Variants in ZC3H13 observed in about 807,000 individuals in gnomAD.
The protein encoded by ZC3H13 is zinc finger CCCH domain-containing protein 13.
ZC3H13 carries 64 observed loss-of-function variants against 204.1 expected under a neutral mutation model. That is an observed-to-expected ratio of 0.31 (90% confidence interval 0.26 to 0.39). The LOEUF (loss-of-function observed/expected upper bound fraction) is 0.39, where lower values mean the gene tolerates loss of function less well. Ranked by LOEUF, ZC3H13 falls within the 10% of genes least tolerant of loss-of-function variation. ZC3H13 has a pLI of 1.00. For missense variants in ZC3H13, 1,833 were observed against 2,082.7 expected, an observed-to-expected ratio of 0.88 and a Z score of 2.33; for synonymous variants, 667 against 693.7, an observed-to-expected ratio of 0.96 and a Z score of 0.60.
intron 15 of ZC3H13, among the ~76,000 whole-genome samples, chr13:45,966,590 A>G (rs1952106759): frequency 6.6e-6 from 1 of 152,166 alleles, no homozygotes; most frequent in South Asian, 2.1e-4. Flanking sequence ...GAGATGAGGG[A>G]TACTGACTCC....
Position 46,010,399 on chromosome 13 carries a change from T to C in ZC3H13, c.695A>G (p.Lys232Arg). The change falls in exon 7 of 19, where the codon AAG becomes AGG. Residue 232 changes from lysine to arginine, a missense_variant. Physicochemically the swap from Lys to Arg is conservative, Grantham distance 26. This residue lies in a region of ZC3H13 where 1,574 missense variants were observed against 1,757.2 expected (regional missense o/e 0.90). Transcript: ENST00000679008. Reference protein sequence around the residue: ...KSSPKSSSASKKDRKTSAVSS... With the variant: ...KSSPKSSSASRKDRKTSAVSS... The stretch of plus-strand genomic sequence containing the variant: ...TACTGCAGATGTCTTCCTATCTTTC[T>C]TGCTAGCTGAAGACGACTTCGGGCT... The C allele has an allele frequency of 1.2e-6, 2 of 1,613,876 alleles. No individual in the cohort carries two copies. The highest frequency in any genetic ancestry group is 1.7e-4 in the Middle Eastern group (1 of 6,060).
At chr13:45,981,280 C>T (rs1186848098) in intron 10 of ZC3H13, among the ~76,000 whole-genome samples, 2 of 152,094 alleles carry the variant, frequency 1.3e-5, no homozygotes, top group African/African-American at 2.4e-5. Flanking sequence ...TGATGATTTC[C>T]AATTTCATCC....
chr13:46,010,154 T>C (rs2041444290), intron 7 of ZC3H13, 194 bp downstream of exon 7: 1 of 439,510 alleles, frequency 2.3e-6, no homozygotes, highest in Non-Finnish European at 3.8e-6. Context: ...CATATGTGGA[T>C]GTTACACAGA....
chr13:46,039,812 A>C (rs1457342759), intron 4 of ZC3H13, among the ~76,000 whole-genome samples: 1 of 152,214 alleles, frequency 6.6e-6, no homozygotes, highest in African/African-American at 2.4e-5. Context: ...CACTGTATAC[A>C]ATGTCACTTA....
Position 45,973,441 on chromosome 13 carries a change from C to A in ZC3H13, c.2468+1842G>T, listed in dbSNP as rs146816296. 4.9e-3 allele frequency among the ~76,000 whole-genome samples: 745 copies of A among 152,118 alleles called. 9 individuals are homozygous for A. Among genetic ancestry groups the A allele is most frequent in the African/African-American group, 0.017 (720 of 41,512 alleles). On this transcript the variant is annotated intron_variant, in intron 12 of 18. Coordinates refer to ENST00000679008, the MANE Select transcript of ZC3H13 (RefSeq NM_001330564.2). The stretch of plus-strand genomic sequence containing the variant: ...CTTAGATTGTCTAACCATGAAAAAC[C>A]AGAAAAACTTTTGCTATTATAAGCA...
chr13:45,957,409 G>C, intron 18 of ZC3H13, 112 bp from the exon 19 acceptor site: 1 of 1,025,988 alleles, frequency 9.7e-7, no homozygotes, highest in Non-Finnish European at 1.3e-6. Flanking sequence ...ATTTCATTTT[G>C]GATATTAAAT....
intron 12 of ZC3H13, 44 bp downstream of exon 12, chr13:45,975,239 T>C: frequency 1.3e-6 from 2 of 1,565,434 alleles, no homozygotes; most frequent in Non-Finnish European, 1.7e-6. Flanking sequence ...TTGAATTCTT[T>C]CCTGAAATGT....
chr13:46,013,345 C>T (rs999795744), intron 5 of ZC3H13, among the ~76,000 whole-genome samples: 4 of 151,426 alleles, frequency 2.6e-5, no homozygotes, highest in African/African-American at 9.7e-5. Context: ...ACCCGGGAGA[C>T]GGAGGTTGCA....
intron 4 of ZC3H13, among the ~76,000 whole-genome samples, chr13:46,041,174 C>T (rs2043555372): frequency 6.6e-6 from 1 of 151,912 alleles, no homozygotes; most frequent in Non-Finnish European, 1.5e-5. Context: ...TAGAAAAAGC[C>T]CAAATATCCA....
intron 12 of ZC3H13, among the ~76,000 whole-genome samples, chr13:45,970,715 G>A (rs1405275672): frequency 6.6e-6 from 1 of 152,080 alleles, no homozygotes; most frequent in African/African-American, 2.4e-5. Flanking sequence ...AATAACTCAA[G>A]TGAAAATTGC....
intron 8 of ZC3H13, among the ~76,000 whole-genome samples, chr13:45,997,438 G>A (rs1186392961): frequency 6.6e-6 from 1 of 151,996 alleles, no homozygotes; most frequent in East Asian, 1.9e-4. Context: ...GAAGGGTATG[G>A]GCACTCTCCC....
chr13:46,024,106 T>A (rs113699420), intron 4 of ZC3H13, among the ~76,000 whole-genome samples: 1 of 152,112 alleles, frequency 6.6e-6, no homozygotes, highest in Admixed American at 6.6e-5. Context: ...ATTCCCCAAA[T>A]CACAATGCTG....
intron 7 of ZC3H13, among the ~76,000 whole-genome samples, chr13:46,005,498 C>CT (rs1555288335): frequency 1.3e-5 from 2 of 151,900 alleles, no homozygotes; most frequent in Non-Finnish European, 2.9e-5. Flanking sequence ...TTGATTTCTT[C>CT]TTTTTTTTGG....
intron 4 of ZC3H13, among the ~76,000 whole-genome samples, chr13:46,028,072 T>C (rs2094245): frequency 0.75 from 114,452 of 152,024 alleles, 43,610 homozygotes; most frequent in African/African-American, 0.86. Flanking sequence ...CAATGGTATG[T>C]TGTCTACAAG....
rs76064775 is a variant in ZC3H13 at position 45,994,255 on chromosome 13, C to A, written c.945-5158G>T. Among the ~76,000 whole-genome samples, 657 of 152,138 alleles carry A rather than the reference C, an allele frequency of 4.3e-3. 6 individuals are homozygous for A. The highest frequency in any genetic ancestry group is 0.015 in the African/African-American group (632 of 41,498). ...ACATACAAAATATGTGTTAATCAAA[C>A]GTTTATGTTATCAGTAAAGTTTCCA... is the stretch of plus-strand genomic sequence containing the variant. On this transcript the variant is annotated intron_variant, in intron 8 of 18. Coordinates refer to ENST00000679008, the MANE Select transcript of ZC3H13 (RefSeq NM_001330564.2).
chr13:45,989,166 T>G, intron 8 of ZC3H13, 69 bp from the exon 9 acceptor site: 1 of 1,436,776 alleles, frequency 7.0e-7, no homozygotes, highest in South Asian at 1.4e-5. Flanking sequence ...GGAAAATCTT[T>G]AAAAACAAAA....
At chr13:46,018,617 A>T (rs1405272935) in intron 5 of ZC3H13, among the ~76,000 whole-genome samples, 1 of 152,086 alleles carries the variant, frequency 6.6e-6, no homozygotes, top group Middle Eastern at 3.2e-3. Flanking sequence ...TGGTAGGAGG[A>T]AGTTGAGGGA....
chr13:45,993,633 T>C (rs1209608926), intron 8 of ZC3H13, among the ~76,000 whole-genome samples: 2 of 152,164 alleles, frequency 1.3e-5, no homozygotes, highest in Admixed American at 6.5e-5. Context: ...GGTGGTTAAG[T>C]GCCATTTAAA....
At chr13:46,007,320 T>C (rs1165637032) in intron 7 of ZC3H13, among the ~76,000 whole-genome samples, 1 of 152,204 alleles carries the variant, frequency 6.6e-6, no homozygotes, top group Admixed American at 6.5e-5. Flanking sequence ...TGCCAGGCAA[T>C]TGTAAACTAT....
Sources: allele counts gnomAD v4.1 joint callset (sites outside exome capture counted in the v4.1 genomes callset), GRCh38; gene constraint gnomAD v4.1.1; regional missense constraint gnomAD v4.1.1; transcripts MANE v1.5; gene names NCBI Gene and HGNC (gene_info 2026-07-23, HGNC 2026-07-21).